SNX29: variants seen among roughly 807,000 people sequenced by gnomAD.
SNX29 encodes sorting nexin 29.
SNX29 carries 78 observed loss-of-function variants against 102.1 expected under a neutral mutation model. The observed-to-expected ratio is 0.76, with a 90% confidence interval of 0.64 to 0.92. SNX29 has a LOEUF of 0.92. Among genes scored for constraint, SNX29 ranks in the 40% least tolerant of loss-of-function variants. The pLI, the probability that SNX29 is intolerant of heterozygous loss-of-function variation, is 0.00. For synonymous variants in SNX29, 580 were observed against 414.5 expected (o/e 1.40, Z -4.85); for missense variants, 1,280 against 1,061.7 (o/e 1.21, Z -2.86).
intron 14 of SNX29, among the ~76,000 whole-genome samples, chr16:12,266,542 TG>T (rs753533969): frequency 1.1e-4 from 16 of 152,134 alleles, no homozygotes; most frequent in Non-Finnish European, 2.2e-4. Context: ...CAGAGCTGTA[TG>T]CCAGGAAATG....
At chr16:12,029,718 A>C in intron 4 of SNX29, 1 of 427,506 alleles carries the variant, frequency 2.3e-6, no homozygotes, top group Non-Finnish European at 4.6e-6. Context: ...CAGCCACCTG[A>C]GTAGCTGGGA....
intron 14 of SNX29, among the ~76,000 whole-genome samples, chr16:12,252,390 T>A (rs2078447692): frequency 6.6e-6 from 1 of 152,208 alleles, no homozygotes; most frequent in African/African-American, 2.4e-5. Flanking sequence ...TCTGAGCCCC[T>A]GCCCCACTTC....
intron 19 of SNX29, among the ~76,000 whole-genome samples, chr16:12,488,449 G>A (rs371164489): frequency 1.9e-4 from 29 of 149,904 alleles, no homozygotes; most frequent in African/African-American, 4.9e-4. Flanking sequence ...AGTCCCCCCC[G>A]TCCCCGCACC....
At chr16:11,999,486 T>C (rs751269219) in intron 2 of SNX29, 128 bp downstream of exon 2, 118 of 900,318 alleles carry the variant, frequency 1.3e-4, no homozygotes, top group Non-Finnish European at 1.9e-4. Context: ...TGAAGTGATC[T>C]ACTCATTTTT....
In SNX29 at chr16:12,442,539, A is replaced by C. The variant is rs553083103; in HGVS notation, c.2038-35180A>C. Among the ~76,000 whole-genome samples the C allele has an allele frequency of 7.2e-5, 11 of 152,076 alleles. No homozygotes were observed. The East Asian group carries it at 2.1e-3, about 29-fold the overall frequency. On this transcript the variant is annotated intron_variant, in intron 18 of 20. Coordinates refer to ENST00000566228, the MANE Select transcript of SNX29 (RefSeq NM_032167.5). ...ATGCAACTCTGTTCTTACAGAGTCA[A>C]GGCAGCCATAGGCTATATGTAATGA...
chr16:12,373,900 T>A (rs1488962141), intron 16 of SNX29: 1 of 152,258 alleles, frequency 6.6e-6, no homozygotes, highest in Non-Finnish European at 1.5e-5. Flanking sequence ...AGATATCATA[T>A]GTTGCCCGCC....
intron 18 of SNX29, among the ~76,000 whole-genome samples, chr16:12,470,534 T>A (rs1166777513): frequency 1.3e-5 from 2 of 152,164 alleles, no homozygotes; most frequent in Non-Finnish European, 2.9e-5. Flanking sequence ...ACCGAGCTTG[T>A]TCTGAGTCAG....
intron 19 of SNX29, 48 bp from the exon 20 acceptor site, chr16:12,524,654 C>G (rs373612919): frequency 3.1e-6 from 5 of 1,593,974 alleles, no homozygotes; most frequent in African/African-American, 2.7e-5. Context: ...TCATTTCTGA[C>G]CAGGTGAGGA....
At chr16:12,327,213 C>T (rs150180988) in intron 15 of SNX29, among the ~76,000 whole-genome samples, 1 of 152,066 alleles carries the variant, frequency 6.6e-6, no homozygotes, top group South Asian at 2.1e-4. Context: ...TCAGTGAAAT[C>T]GCAGCCCCCA....
At chr16:12,444,088 C>G (rs562657427) in intron 18 of SNX29, among the ~76,000 whole-genome samples, 4 of 151,336 alleles carry the variant, frequency 2.6e-5, no homozygotes, top group Non-Finnish European at 2.9e-5. Context: ...ATACTAAGCA[C>G]TCAGTATAGC....
At chr16:12,361,195 G>A (rs2082289963) in intron 16 of SNX29, among the ~76,000 whole-genome samples, 1 of 152,198 alleles carries the variant, frequency 6.6e-6, no homozygotes, top group South Asian at 2.1e-4. Context: ...GGTCTTGAAG[G>A]TGGGCCAGCC....
intron 2 of SNX29, among the ~76,000 whole-genome samples, chr16:12,000,057 AC>A (rs1238147641): frequency 2.0e-5 from 3 of 152,120 alleles, no homozygotes; most frequent in African/African-American, 7.2e-5. Context: ...GATGGAGGCC[AC>A]GCCTGAGGTC....
At chr16:12,566,823 G>A (rs780496519) in intron 20 of SNX29, among the ~76,000 whole-genome samples, 19 of 152,320 alleles carry the variant, frequency 1.2e-4, no homozygotes, top group Admixed American at 2.0e-4. Flanking sequence ...GAGCAGCTCC[G>A]GCTTTGTTCA....
chr16:12,403,790 C>T (rs564474877), intron 18 of SNX29, among the ~76,000 whole-genome samples: 1 of 152,304 alleles, frequency 6.6e-6, no homozygotes, highest in African/African-American at 2.4e-5. Flanking sequence ...ACTGCATGAG[C>T]AGAAACGGAG....
In SNX29 at chr16:12,023,361, T is replaced by G. The variant is rs546414884; in HGVS notation, c.123-3959T>G. ...AAGCCAGAGTGTCTGCAGTAGAGAG[T>G]ATTCTGGGAACCCCCCAGCCCTCTC... On this transcript the variant is annotated intron_variant, in intron 3 of 20. Coordinates refer to ENST00000566228, the MANE Select transcript of SNX29 (RefSeq NM_032167.5). 3.5e-5 allele frequency among the ~76,000 whole-genome samples: 5 copies of G among 142,980 alleles called. No individual in the cohort carries two copies. The South Asian group carries it at 1.1e-3, about 31-fold the overall frequency. 93.8% of individuals were successfully genotyped at this position (142,980 alleles called of 152,430 possible).
chr16:12,489,432 A>G (rs961930568), intron 19 of SNX29, among the ~76,000 whole-genome samples: 1 of 152,184 alleles, frequency 6.6e-6, no homozygotes, highest in South Asian at 2.1e-4. Context: ...TTGCATCTTT[A>G]GAAACCATGC....
intron 13 of SNX29, among the ~76,000 whole-genome samples, chr16:12,132,403 G>A (rs955161857): frequency 1.3e-5 from 2 of 152,032 alleles, no homozygotes. Flanking sequence ...CCTGGCCTCC[G>A]TGTCATTTAA....
At chr16:12,543,692 C>T (rs2077450338) in intron 20 of SNX29, among the ~76,000 whole-genome samples, 2 of 152,232 alleles carry the variant, frequency 1.3e-5, no homozygotes, top group South Asian at 2.1e-4. Context: ...CCAGTCGTAT[C>T]AGAAAATATT....
chr16:11,990,428 C>T (rs2055804484), intron 1 of SNX29, among the ~76,000 whole-genome samples: 2 of 152,174 alleles, frequency 1.3e-5, no homozygotes, highest in African/African-American at 4.8e-5. Flanking sequence ...TTCCATGCCT[C>T]ACCTGACCCC....
Sources: allele counts gnomAD v4.1 joint callset (sites outside exome capture counted in the v4.1 genomes callset), GRCh38; gene constraint gnomAD v4.1.1; transcripts MANE v1.5; gene names NCBI Gene and HGNC (gene_info 2026-07-23, HGNC 2026-07-21).